ADCY6: variants seen among roughly 807,000 people sequenced by gnomAD.
ADCY6 encodes the protein adenylate cyclase type 6.
Under a neutral mutation model 111.6 loss-of-function variants are expected in ADCY6, and 59 were observed. The ratio of observed to expected loss-of-function variants is 0.53; its 90% CI spans 0.43 to 0.66. ADCY6 has a LOEUF of 0.66. Among genes scored for constraint, ADCY6 ranks in the 30% least tolerant of loss-of-function variants. ADCY6 has a pLI of 0.00. For synonymous variants in ADCY6, 576 were observed against 642.9 expected, an observed-to-expected ratio of 0.90 and a Z score of 1.57; for missense variants, 1,242 against 1,595.6, an observed-to-expected ratio of 0.78 and a Z score of 3.78.
rs777518889 is a variant in ADCY6 at position 48,775,346 on chromosome 12, C to A, written c.1937G>T (p.Arg646Leu). The A allele has an allele frequency of 3.3e-5, 53 of 1,614,122 alleles. No homozygotes were observed. Among genetic ancestry groups the A allele is most frequent in the Admixed American group, 5.0e-5 (3 of 60,022 alleles). The part of the protein sequence containing the change: ...SIDQLRKDHV[R>L]RFLLTFQRED... ...TCTCTGGAAGGTGAGCAGAAACCGG[C>A]GCACATGGTCCTTCCGCAGCTGATC... The change falls in exon 11 of 22, where the codon CGC (arginine) becomes CTC (leucine). Residue 646 changes from arginine (R) to leucine (L), a missense_variant. Physicochemically the swap from Arg to Leu is moderately radical, Grantham distance 102. Around this residue, in one of 4 missense-constraint regions of ADCY6, gnomAD observed 375 missense variants for 432.5 expected, o/e 0.87. Coordinates refer to ENST00000357869, the MANE Select transcript of ADCY6 (RefSeq NM_015270.5).
Position 48,776,003 on chromosome 12 carries a change from G to A in ADCY6, c.1766C>T (p.Ala589Val). Residue 589 changes from alanine to valine, a missense_variant, in exon 9 of 22, where the codon GCC becomes GTC. Physicochemically the swap from Ala to Val is moderately conservative, Grantham distance 64. This residue lies in a region of ADCY6 where 375 missense variants were observed against 432.5 expected (regional missense o/e 0.87). Coordinates refer to ENST00000357869, the MANE Select transcript of ADCY6 (RefSeq NM_015270.5). The surrounding 1 kb of genome is among the most constrained non-coding windows in gnomAD (Gnocchi z 6.1). ...CTTGGAGTCCTTGGTCCGGGAGAAG[G>A]CACGATCAGGAACCCAGCGCGGCAT... is the stretch of plus-strand genomic sequence containing the variant. ...GLMPRWVPDR[A>V]FSRTKDSKAF... The A allele has an allele frequency of 1.9e-6, 3 of 1,611,718 alleles. No homozygotes were observed. Among genetic ancestry groups the A allele is most frequent in the Non-Finnish European group, 2.5e-6 (3 of 1,178,932 alleles).
intron 16 of ADCY6, among the ~76,000 whole-genome samples, chr12:48,773,242 T>C (rs1417774241): frequency 6.6e-6 from 1 of 152,150 alleles, no homozygotes; most frequent in Non-Finnish European, 1.5e-5. Context: ...GGGAATTTTT[T>C]TTTTTAATGT....
At chr12:48,778,496 T>C in intron 2 of ADCY6, 1 of 521,926 alleles carries the variant, frequency 1.9e-6, no homozygotes. Context: ...TCACAGCTTC[T>C]GGAAGCAGAA....
At chr12:48,774,147 G>A (rs983500978) in intron 14 of ADCY6, 49 bp from the exon 15 acceptor site, 1 of 1,546,612 alleles carries the variant, frequency 6.5e-7, no homozygotes, top group Non-Finnish European at 8.8e-7. Context: ...GGAAAGGGTT[G>A]CAAGGTACCT....
At chr12:48,788,038 GT>G (rs144510422) in intron 1 of ADCY6, among the ~76,000 whole-genome samples, 2,648 of 152,272 alleles carry the variant, frequency 0.017, 86 homozygotes, top group African/African-American at 0.059. Flanking sequence ...ACTTCAGAAA[GT>G]TCATGGTAAG....
intron 12 of ADCY6, 71 bp downstream of exon 12, chr12:48,774,886 G>C (rs949974002): frequency 1.3e-6 from 2 of 1,521,846 alleles, no homozygotes; most frequent in African/African-American, 2.8e-5. Context: ...TTGTGGGCTT[G>C]TGTGGGTATT....
chr12:48,778,149 T>G lies in ADCY6; in HGVS notation c.973A>C (p.Ile325Leu). The G allele has an allele frequency of 6.2e-7, 1 of 1,613,778 alleles. No individual in the cohort carries two copies. Among genetic ancestry groups the G allele is most frequent in the African/African-American group, 1.3e-5 (1 of 75,034 alleles). Residue 325 changes from isoleucine (I) to leucine (L), a missense_variant, in exon 3 of 22, where the codon ATC (isoleucine) becomes CTC (leucine). Physicochemically the swap from Ile to Leu is conservative, Grantham distance 5 (BLOSUM62 2). Around this residue, in one of 4 missense-constraint regions of ADCY6, gnomAD observed 260 missense variants for 414.6 expected, o/e 0.63. Coordinates refer to ENST00000357869, the MANE Select transcript of ADCY6 (RefSeq NM_015270.5). ...RQAFQETRGYIQARLHLQHEN... is the reference protein window; with the variant it reads ...RQAFQETRGYLQARLHLQHEN... Reference sequence around the variant, plus strand: ...TGCTGCAGGTGGAGCCGGGCCTGGATGTAACCGCGGGTCTCCTGAAAGGCC... The same window carrying G: ...TGCTGCAGGTGGAGCCGGGCCTGGAGGTAACCGCGGGTCTCCTGAAAGGCC...
chr12:48,773,826 G>GT, intron 15 of ADCY6, 114 bp downstream of exon 15: 2 of 1,481,200 alleles, frequency 1.4e-6, no homozygotes. Context: ...TGCTCCTAGT[G>GT]TGGGAGACTC....
At position 48,774,437 on chromosome 12, in the gene ADCY6, CG is replaced by C; in HGVS notation, c.2247del (p.Val750SerfsTer28). 6.2e-7 allele frequency: 1 copy of C among 1,613,914 alleles called. No homozygotes were observed. The highest frequency in any genetic ancestry group is 1.3e-5 in the African/African-American group (1 of 74,974). On this transcript the variant is annotated frameshift_variant, in exon 14 of 22. Transcript: ENST00000357869. LOFTEE classifies it high-confidence loss of function. ...ATGGCAGAAGTAAACACAAGCAGGA[CG>C]GAAAAGATGCCAACTGCGGTGCTAT... is the stretch of plus-strand genomic sequence containing the variant. Reference protein sequence around the residue: ...RAHSTAVGIFSVLLVFTSAIA... With the variant: ...RAHSTAVGIFXVLLVFTSAIA...
intron 2 of ADCY6, 53 bp from the exon 3 acceptor site, chr12:48,778,310 A>G (rs1333565949): frequency 6.2e-7 from 1 of 1,609,794 alleles, no homozygotes; most frequent in South Asian, 1.1e-5. Flanking sequence ...CTGCCCCCCT[A>G]AACACACACA....
intron 18 of ADCY6, 42 bp from the exon 19 acceptor site, chr12:48,772,015 AGGGGTAGGTGTGGT>A: frequency 6.3e-7 from 1 of 1,580,036 alleles, no homozygotes; most frequent in Admixed American, 1.7e-5. Flanking sequence ...GACATTCACA[AGGGGTAGGTGTGGT>A]GGCCAAGGCT....
intron 10 of ADCY6, 70 bp from the exon 11 acceptor site, chr12:48,775,520 T>C: frequency 1.2e-6 from 2 of 1,601,928 alleles, no homozygotes; most frequent in South Asian, 2.2e-5. Flanking sequence ...AAAGGAAAGG[T>C]ATGGACAGCA....
At chr12:48,770,706 A>C in intron 20 of ADCY6, 60 bp downstream of exon 20, 1 of 1,549,840 alleles carries the variant, frequency 6.5e-7, no homozygotes, top group Non-Finnish European at 8.9e-7. Context: ...CCAGCCTATA[A>C]TCCCAGCTTC....
Position 48,776,310 on chromosome 12 carries a change from C to T in ADCY6, c.1576G>A (p.Gly526Arg), listed in dbSNP as rs747392085. The T allele has an allele frequency of 8.7e-6, 14 of 1,614,122 alleles. No homozygotes were observed. The highest frequency in any genetic ancestry group is 1.7e-5 in the Admixed American group (1 of 60,012). The stretch of plus-strand genomic sequence containing the variant: ...CGGCCTGGCTCCACCTCGTAGTCCC[C>T]GTTCAGGTACTGCAGTGTTGCCCGA... ...ITRATLQYLNGDYEVEPGRGG... is the reference protein window; with the variant it reads ...ITRATLQYLNRDYEVEPGRGG... The change falls in exon 8 of 22, where the codon GGG (glycine) becomes AGG (arginine). Residue 526 changes from glycine (G) to arginine (R), a missense_variant. Transcript: ENST00000357869. This position sits in a 1 kb window ranked among gnomAD's most constrained non-coding sequence, Gnocchi z 6.1.
Position 48,777,092 on chromosome 12 carries a change from G to A in ADCY6, c.1376+12C>T, listed in dbSNP as rs776526911. 5.1e-6 allele frequency: 8 copies of A among 1,579,626 alleles called. No homozygotes were observed. In the South Asian group the frequency reaches 8.1e-5, roughly 16 times the overall value. On this transcript the variant is annotated intron_variant, in intron 6 of 21. Transcript: ENST00000357869. The surrounding 1 kb of genome is among the most constrained non-coding windows in gnomAD (Gnocchi z 4.9). ...GCAATTCCAGGAAGCCTAGGAATGG[G>A]GCACTGCTTACGAGATGGCCTCAAT...
rs187745178 is a variant in ADCY6, at chr12:48,786,414, T to C, written c.-5+2492A>G. Among the ~76,000 whole-genome samples, 21 of 152,332 alleles carry C rather than the reference T, an allele frequency of 1.4e-4. No homozygotes were observed. In the East Asian group the frequency reaches 2.3e-3, roughly 17 times the overall value. Reference sequence around the variant, plus strand: ...GAGTCTCACTCTGCCCCACCTAGGCTGGAGTGCAGTGGCACAATCTCAGCT... The same window carrying C: ...GAGTCTCACTCTGCCCCACCTAGGCCGGAGTGCAGTGGCACAATCTCAGCT... On this transcript the variant is annotated intron_variant, in intron 1 of 21. Transcript: ENST00000357869.
intron 20 of ADCY6, among the ~76,000 whole-genome samples, chr12:48,770,022 A>G (rs189989711): frequency 0.015 from 2,247 of 151,442 alleles, 26 homozygotes; most frequent in Non-Finnish European, 0.022. Flanking sequence ...CGGACTCCCA[A>G]AGTGCTGGGA....
rs923478911 is a variant in ADCY6 at position 48,771,551 on chromosome 12, T to G, written c.3051+159A>C. On this transcript the variant is annotated intron_variant, in intron 19 of 21. Coordinates refer to ENST00000357869, the MANE Select transcript of ADCY6 (RefSeq NM_015270.5). The surrounding 1 kb of genome is among the most constrained non-coding windows in gnomAD (Gnocchi z 4.3). ...CCCCTTGCTGCCTCTGACACCTTCATGGGTTCTTGCCTCTGCCTCCACTGT... is the reference window on the plus strand; with the variant it reads ...CCCCTTGCTGCCTCTGACACCTTCAGGGGTTCTTGCCTCTGCCTCCACTGT... The G allele has an allele frequency of 8.3e-7, 1 of 1,212,000 alleles. No homozygotes were observed. The highest frequency in any genetic ancestry group is 1.2e-6 in the Non-Finnish European group (1 of 839,588). The allele number at this position is 1,212,000 out of a possible 1,614,324, so 75.1% of individuals were successfully genotyped here.
At chr12:48,770,196 G>T (rs941472829) in intron 20 of ADCY6, among the ~76,000 whole-genome samples, 2 of 151,184 alleles carry the variant, frequency 1.3e-5, no homozygotes, top group African/African-American at 4.9e-5. Flanking sequence ...GATCCACCGC[G>T]CCCGGCATGG....
Sources: gnomAD v4.1 joint callset for allele counts (sites outside exome capture counted in the v4.1 genomes callset) on GRCh38, gnomAD v4.1.1 for gene constraint, gnomAD v4.1.1 regional missense constraint, Gnocchi (gnomAD v3.1) non-coding constraint, MANE v1.5 for transcripts, NCBI Gene and HGNC (gene_info 2026-07-23, HGNC 2026-07-21) for gene names.